COX7B2: variants seen among roughly 807,000 people sequenced by gnomAD.
COX7B2 encodes cytochrome c oxidase subunit 7B2.
For missense variants in COX7B2, 109 were observed against 95.9 expected, an observed-to-expected ratio of 1.14 and a Z score of -0.57; for synonymous variants, 37 against 32.1, an observed-to-expected ratio of 1.15 and a Z score of -0.51.
intron 2 of COX7B2, among the ~76,000 whole-genome samples, chr4:46,799,262 C>A: frequency 6.6e-6 from 1 of 152,078 alleles, no homozygotes; most frequent in South Asian, 2.1e-4. Flanking sequence ...AGGCTTTGGG[C>A]AGAAACGATG....
At chr4:46,822,462 AT>A (rs1228907451) in intron 2 of COX7B2, among the ~76,000 whole-genome samples, 1 of 151,998 alleles carries the variant, frequency 6.6e-6, no homozygotes. Context: ...CTATTTGTTG[AT>A]TTTTTTCTTC....
chr4:46,809,301 T>C (rs1194012296), intron 2 of COX7B2, among the ~76,000 whole-genome samples: 1 of 151,810 alleles, frequency 6.6e-6, no homozygotes, highest in African/African-American at 2.4e-5. Context: ...TCTATTCTGA[T>C]GTTTATTATT....
intron 1 of COX7B2, among the ~76,000 whole-genome samples, chr4:46,884,601 C>T (rs1232540279): frequency 6.6e-6 from 1 of 152,088 alleles, no homozygotes; most frequent in Non-Finnish European, 1.5e-5. Context: ...TTTATGCTAT[C>T]AAGTACCAGC....
At chr4:46,811,776 G>A (rs1259217508) in intron 2 of COX7B2, among the ~76,000 whole-genome samples, 2 of 152,078 alleles carry the variant, frequency 1.3e-5, no homozygotes, top group African/African-American at 4.8e-5. Flanking sequence ...AAACTTTACA[G>A]AGCAGCTTTC....
intron 1 of COX7B2, among the ~76,000 whole-genome samples, chr4:46,897,695 G>T (rs1030646839): frequency 1.3e-5 from 2 of 151,908 alleles, no homozygotes; most frequent in Non-Finnish European, 2.9e-5. Context: ...AAATTAAATA[G>T]CCCATTCCCA....
At chr4:46,824,155 CA>C (rs1305572187) in intron 2 of COX7B2, among the ~76,000 whole-genome samples, 1 of 151,890 alleles carries the variant, frequency 6.6e-6, no homozygotes, top group Non-Finnish European at 1.5e-5. Flanking sequence ...TAATGAGCTC[CA>C]AAATGGAATT....
chr4:46,752,667 T>A (rs946220369), intron 2 of COX7B2, among the ~76,000 whole-genome samples: 4 of 152,182 alleles, frequency 2.6e-5, no homozygotes, highest in African/African-American at 9.7e-5. Flanking sequence ...TCTCCATCTA[T>A]TGAGATAATC....
intron 2 of COX7B2, among the ~76,000 whole-genome samples, chr4:46,831,010 C>T (rs1560408161): frequency 6.6e-6 from 1 of 152,158 alleles, no homozygotes; most frequent in African/African-American, 2.4e-5. Flanking sequence ...AGGCCAGAGC[C>T]GGCTCCCTCA....
chr4:46,867,750 T>C (rs1352405373), intron 1 of COX7B2, among the ~76,000 whole-genome samples: 1 of 152,196 alleles, frequency 6.6e-6, no homozygotes, highest in Non-Finnish European at 1.5e-5. Flanking sequence ...ATTTTAGCTT[T>C]TCGATAGGCT....
chr4:46,770,098 C>A (rs758328296), intron 2 of COX7B2, among the ~76,000 whole-genome samples: 1 of 152,026 alleles, frequency 6.6e-6, no homozygotes, highest in African/African-American at 2.4e-5. Flanking sequence ...ACAAAGAAGT[C>A]CTTGAAGATT....
intron 1 of COX7B2, among the ~76,000 whole-genome samples, chr4:46,883,768 T>A (rs1718894877): frequency 7.2e-6 from 1 of 139,356 alleles, no homozygotes; most frequent in Non-Finnish European, 1.6e-5. Flanking sequence ...TTAATCAGAA[T>A]AAACCTTTAA....
At position 46,832,064 on chromosome 4, in the gene COX7B2, G is replaced by A. The variant is rs531234511; in HGVS notation, c.-50+12896C>T. Among the ~76,000 whole-genome samples, 8 of 152,276 alleles carry A rather than the reference G, an allele frequency of 5.3e-5. No homozygotes were observed. In the East Asian group the frequency reaches 1.4e-3, roughly 26 times the overall value. On this transcript the variant is annotated intron_variant, in intron 2 of 2. Coordinates refer to ENST00000355591, the MANE Select transcript of COX7B2 (RefSeq NM_130902.3). Reference sequence around the variant, plus strand: ...GGACCAATCAGCAGGATGTGGGTGGGGCCAGATAAGAGAATAAAAGCAAGC... The same window carrying A: ...GGACCAATCAGCAGGATGTGGGTGGAGCCAGATAAGAGAATAAAAGCAAGC...
chr4:46,762,232 T>C (rs1280255182), intron 2 of COX7B2, among the ~76,000 whole-genome samples: 3 of 142,916 alleles, frequency 2.1e-5, no homozygotes, highest in African/African-American at 7.7e-5. Context: ...ATTATTTATA[T>C]ATTAAATATA....
intron 1 of COX7B2, among the ~76,000 whole-genome samples, chr4:46,868,926 G>A (rs541614216): frequency 3.9e-5 from 6 of 152,200 alleles, no homozygotes; most frequent in African/African-American, 1.2e-4. Flanking sequence ...GAATATCTTT[G>A]TTAATTTTCT....
chr4:46,830,372 G>A (rs1316476092), intron 2 of COX7B2, among the ~76,000 whole-genome samples: 3 of 142,984 alleles, frequency 2.1e-5, no homozygotes, highest in African/African-American at 5.1e-5. Context: ...GGAGAGAAAA[G>A]AAACAATGTA....
intron 1 of COX7B2, among the ~76,000 whole-genome samples, chr4:46,905,810 A>ATATTTTT (rs1720343183): frequency 1.7e-5 from 1 of 60,444 alleles, no homozygotes; most frequent in Non-Finnish European, 3.4e-5. Context: ...ATAAGCATAT[A>ATATTTTT]TTTCTTTTTT....
intron 2 of COX7B2, among the ~76,000 whole-genome samples, chr4:46,784,976 T>TA (rs1221845698): frequency 6.6e-6 from 1 of 152,228 alleles, no homozygotes; most frequent in Non-Finnish European, 1.5e-5. Flanking sequence ...GGGAAATAAT[T>TA]AAATCATAAT....
At chr4:46,802,556 C>T (rs1718712646) in intron 2 of COX7B2, among the ~76,000 whole-genome samples, 1 of 152,082 alleles carries the variant, frequency 6.6e-6, no homozygotes, top group Non-Finnish European at 1.5e-5. Flanking sequence ...CAGAAAATCA[C>T]CTTCCAGAAA....
chr4:46,793,764 G>C (rs539546337), intron 2 of COX7B2, among the ~76,000 whole-genome samples: 3 of 152,190 alleles, frequency 2.0e-5, no homozygotes, highest in Non-Finnish European at 4.4e-5. Flanking sequence ...AGCCTCATAG[G>C]CCAGATGCTG....
Sources: gnomAD v4.1 joint callset for allele counts (sites outside exome capture counted in the v4.1 genomes callset) on GRCh38, gnomAD v4.1.1 for gene constraint, MANE v1.5 for transcripts, NCBI Gene and HGNC (gene_info 2026-07-23, HGNC 2026-07-21) for gene names.